Variants in CHAF1A observed in about 807,000 individuals in gnomAD.
The protein encoded by CHAF1A is CAF-1 subunit A.
CHAF1A carries 5 observed loss-of-function variants against 93.2 expected under a neutral mutation model. That is an observed-to-expected ratio of 0.05 (90% CI 0.03 to 0.11). The LOEUF (loss-of-function observed/expected upper bound fraction) is 0.11, where lower values mean the gene tolerates loss of function less well. Among genes scored for constraint, CHAF1A ranks in the 10% least tolerant of loss-of-function variants. CHAF1A has a pLI of 1.00. For missense variants in CHAF1A, 1,102 were observed against 1,259.9 expected, an observed-to-expected ratio of 0.87 and a Z score of 1.90; for synonymous variants, 504 against 510.3, an observed-to-expected ratio of 0.99 and a Z score of 0.17.
chr19:4,442,177 C>G, intron 13 of CHAF1A, 68 bp from the exon 14 acceptor site: 1 of 1,331,570 alleles, frequency 7.5e-7, no homozygotes, highest in South Asian at 1.2e-5. Flanking sequence ...GAGTTCCCCC[C>G]GCTACCGCAC....
chr19:4,447,767 G>A, downstream of CHAF1A: 1 of 789,202 alleles, frequency 1.3e-6, no homozygotes, highest in East Asian at 2.6e-5. Context: ...CGCGAGGGCA[G>A]CAGACCATCT....
downstream of CHAF1A, chr19:4,445,470 C>A: frequency 1.2e-6 from 2 of 1,613,346 alleles, no homozygotes. Context: ...GACAGACCCA[C>A]AGGGCTGAGG....
At chr19:4,421,859 A>AT (rs1030096019) in intron 4 of CHAF1A, among the ~76,000 whole-genome samples, 2 of 140,190 alleles carry the variant, frequency 1.4e-5, no homozygotes, top group African/African-American at 5.3e-5. Context: ...TTATTCATTT[A>AT]TTTTTTTAAC....
chr19:4,405,436 C>T (rs1300356331), intron 1 of CHAF1A, among the ~76,000 whole-genome samples: 4 of 152,112 alleles, frequency 2.6e-5, no homozygotes, highest in South Asian at 2.1e-4. Flanking sequence ...GGTGAAACCC[C>T]GTCTCTGCTA....
intron 2 of CHAF1A, among the ~76,000 whole-genome samples, chr19:4,407,135 T>C (rs566961366): frequency 6.6e-6 from 1 of 151,818 alleles, no homozygotes; most frequent in African/African-American, 2.4e-5. Context: ...AAGAGAATTG[T>C]TTGAACCCGG....
Position 4,442,955 on chromosome 19 carries a change from G to A in CHAF1A, c.2801G>A (p.Gly934Glu). ...CAAGCCCCGTGTGGAGCCGCTTCCGGAGCTGGGGGTGGTGTGGGGGTGGAC... is the reference window on the plus strand; with the variant it reads ...CAAGCCCCGTGTGGAGCCGCTTCCGAAGCTGGGGGTGGTGTGGGGGTGGAC... The part of the protein sequence containing the change: ...EVQAPCGAAS[G>E]AGGGVGVDTG... The change falls in exon 15 of 15, where the codon GGA (glycine) becomes GAA (glutamate). Residue 934 changes from glycine (G) to glutamate (E), a missense_variant. Physicochemically the swap from Gly to Glu is moderately conservative, Grantham distance 98. This residue lies in a region of CHAF1A where 119 missense variants were observed against 102.2 expected (regional missense o/e 1.16). Transcript: ENST00000301280. 1 of 1,604,116 alleles carries A rather than the reference G, an allele frequency of 6.2e-7. No homozygotes were observed. The highest frequency in any genetic ancestry group is 8.5e-7 in the Non-Finnish European group (1 of 1,176,098).
At chr19:4,404,698 G>C (rs577828194) in intron 1 of CHAF1A, among the ~76,000 whole-genome samples, 1 of 152,118 alleles carries the variant, frequency 6.6e-6, no homozygotes, top group South Asian at 2.1e-4. Context: ...CAAAACATAC[G>C]TAGATTAACC....
At chr19:4,446,699 C>T (rs563472721), downstream of CHAF1A, 28 of 1,609,928 alleles carry the variant, frequency 1.7e-5, no homozygotes, top group Middle Eastern at 1.6e-4. Context: ...TCGCTCAGCA[C>T]GTAGAACTCC....
downstream of CHAF1A, chr19:4,446,868 A>G (rs1335074822): frequency 6.2e-7 from 1 of 1,614,052 alleles, no homozygotes; most frequent in African/African-American, 1.3e-5. Context: ...CACCTTCTGG[A>G]ACCCAATGGC....
intron 3 of CHAF1A, among the ~76,000 whole-genome samples, chr19:4,415,670 A>G (rs1973884891): frequency 6.6e-6 from 1 of 151,800 alleles, no homozygotes; most frequent in Admixed American, 6.6e-5. Context: ...ATTCTCAGCA[A>G]AGACTGAACA....
chr19:4,422,266 G>A lies in CHAF1A; in HGVS notation c.1018-300G>A, dbSNP rs933133145. ...TGACCTCAGGTGATCCACTTGCCTC[G>A]GCCTCCCAAAGTGCTGGGATTACAG... On this transcript the variant is annotated intron_variant, in intron 4 of 14. Transcript: ENST00000301280. This position sits in a 1 kb window ranked among gnomAD's most constrained non-coding sequence, Gnocchi z 4.6. Among the ~76,000 whole-genome samples the A allele has an allele frequency of 1.3e-5, 2 of 151,270 alleles. No homozygotes were observed. Among genetic ancestry groups the A allele is most frequent in the Non-Finnish European group, 2.9e-5 (2 of 67,820 alleles).
intron 7 of CHAF1A, among the ~76,000 whole-genome samples, chr19:4,425,834 C>T (rs747788865): frequency 2.0e-5 from 3 of 152,190 alleles, no homozygotes; most frequent in African/African-American, 7.2e-5. Flanking sequence ...TGTACATTCC[C>T]GGCGATGTGT....
At chr19:4,438,826 C>CA (rs1468254489) in intron 13 of CHAF1A, among the ~76,000 whole-genome samples, 2 of 152,004 alleles carry the variant, frequency 1.3e-5, no homozygotes, top group African/African-American at 4.8e-5. Context: ...ACTAAAAATA[C>CA]AAAAAATTAG....
intron 3 of CHAF1A, among the ~76,000 whole-genome samples, chr19:4,411,159 G>C (rs1973790316): frequency 6.6e-6 from 1 of 152,088 alleles, no homozygotes; most frequent in Non-Finnish European, 1.5e-5. Flanking sequence ...CCTGTAAGCA[G>C]GTACAGTAGA....
At chr19:4,435,985 A>C (rs1347066283) in intron 13 of CHAF1A, among the ~76,000 whole-genome samples, 1 of 152,126 alleles carries the variant, frequency 6.6e-6, no homozygotes, top group African/African-American at 2.4e-5. Context: ...CTAAAAATAC[A>C]AAAATTAGCT....
Position 4,433,470 on chromosome 19 carries a change from G to A in CHAF1A, c.2604G>A (p.Ser868=), listed in dbSNP as rs564179329. 27 of 1,599,606 alleles carry A rather than the reference G, an allele frequency of 1.7e-5. No homozygotes were observed. Among genetic ancestry groups the A allele is most frequent in the South Asian group, 9.9e-5 (9 of 90,856 alleles). The change falls in exon 13 of 15, where the codon TCG becomes TCA. Residue 868 remains serine, a synonymous_variant. Transcript: ENST00000301280. This position sits in a 1 kb window ranked among gnomAD's most constrained non-coding sequence, Gnocchi z 5.6. The stretch of plus-strand genomic sequence containing the variant: ...GGCCCAGCCAGGGCACTCCCATCTC[G>A]CTGAAGAGGAAGTCAGCGGGCAGCA... The part of the protein sequence containing the change: ...STGPSQGTPI[S]LKRKSAGSMC...
chr19:4,422,498 C>G lies in CHAF1A; in HGVS notation c.1018-68C>G. On this transcript the variant is annotated intron_variant, in intron 4 of 14. Coordinates refer to ENST00000301280, the MANE Select transcript of CHAF1A (RefSeq NM_005483.3). The surrounding 1 kb of genome is among the most constrained non-coding windows in gnomAD (Gnocchi z 4.6). ...CGTCCAGGCCGTGCTGTCCTCCATG[C>G]TGTGAACCGAGCTTCCTCCTGGGAG... 1 of 1,401,142 alleles carries G rather than the reference C, an allele frequency of 7.1e-7. No individual in the cohort carries two copies. Among genetic ancestry groups the G allele is most frequent in the Non-Finnish European group, 9.9e-7 (1 of 1,013,632 alleles). 86.8% of individuals were successfully genotyped at this position (1,401,142 alleles called of 1,614,324 possible).
chr19:4,432,004 A>C lies in CHAF1A; in HGVS notation c.2000A>C (p.Glu667Ala). ...GTCCGCCAGAAACTGAAGGCCAAGG[A>C]GTGGGACGAGTTCCTGGCTAAGGGG... Reference protein sequence around the residue: ...HKVRQKLKAKEWDEFLAKGKR... With the variant: ...HKVRQKLKAKAWDEFLAKGKR... Residue 667 changes from glutamate (E) to alanine (A), a missense_variant, in exon 12 of 15, where the codon GAG (glutamate) becomes GCG (alanine). Glu to Ala is a moderately radical substitution (Grantham distance 107). This residue lies in a region of CHAF1A where 335 missense variants were observed against 361.9 expected (regional missense o/e 0.93). Coordinates refer to ENST00000301280, the MANE Select transcript of CHAF1A (RefSeq NM_005483.3). 6.2e-7 allele frequency: 1 copy of C among 1,614,024 alleles called. No individual in the cohort carries two copies. The highest frequency in any genetic ancestry group is 8.5e-7 in the Non-Finnish European group (1 of 1,179,936).
intron 13 of CHAF1A, among the ~76,000 whole-genome samples, chr19:4,437,377 TCTCA>T (rs1291915778): frequency 1.3e-5 from 2 of 151,708 alleles, no homozygotes; most frequent in African/African-American, 4.8e-5. Context: ...TTTGACAGGG[TCTCA>T]CTCTGTTACC....
Sources: gnomAD v4.1 joint callset for allele counts (sites outside exome capture counted in the v4.1 genomes callset) on GRCh38, gnomAD v4.1.1 for gene constraint, gnomAD v4.1.1 regional missense constraint, Gnocchi (gnomAD v3.1) non-coding constraint, MANE v1.5 for transcripts, NCBI Gene and HGNC (gene_info 2026-07-23, HGNC 2026-07-21) for gene names.